CADM2: variants seen among roughly 807,000 people sequenced by gnomAD.
CADM2 encodes immunoglobulin superfamily member 4D.
Under a neutral mutation model 49.8 loss-of-function variants are expected in CADM2, and 12 were observed. The ratio of observed to expected loss-of-function variants is 0.24; its 90% confidence interval spans 0.15 to 0.39. The LOEUF (loss-of-function observed/expected upper bound fraction) is 0.39, where lower values mean the gene tolerates loss of function less well. CADM2 is among the 10% of genes least tolerant of loss of function. The pLI is 1.00. For synonymous variants in CADM2, 214 were observed against 175.4 expected (o/e 1.22, Z -1.74); for missense variants, 378 against 492.3 (o/e 0.77, Z 2.20).
chr3:85,021,317 C>G (rs1217759527), intron 1 of CADM2, among the ~76,000 whole-genome samples: 2 of 152,064 alleles, frequency 1.3e-5, no homozygotes, highest in African/African-American at 4.8e-5. Context: ...TTTGATACAT[C>G]AACGAACAAA....
At chr3:86,039,982 T>A (rs1578030288) in intron 8 of CADM2, among the ~76,000 whole-genome samples, 2 of 152,166 alleles carry the variant, frequency 1.3e-5, no homozygotes, top group African/African-American at 2.4e-5. Context: ...GGGTCTGGAG[T>A]GGACCTCCAG....
Position 86,055,475 on chromosome 3 carries a change from T to G in CADM2, c.971-10130T>G, listed in dbSNP as rs1005217814. The stretch of plus-strand genomic sequence containing the variant: ...TCTTTTTTTTTTTTTTTTTTTTTTT[T>G]TTTTGGTTTTAGAGGGATTCTTGCT... On this transcript the variant is annotated intron_variant, in intron 8 of 9. Transcript: ENST00000383699. Among the ~76,000 whole-genome samples, 9 of 136,356 alleles carry G rather than the reference T, an allele frequency of 6.6e-5. 1 individual carries two copies. The highest frequency in any genetic ancestry group is 2.6e-4 in the South Asian group (1 of 3,860). The allele number at this position is 136,356 out of a possible 152,430, so 89.5% of individuals were successfully genotyped here.
At chr3:85,623,607 T>C (rs895549635) in intron 1 of CADM2, among the ~76,000 whole-genome samples, 1 of 152,140 alleles carries the variant, frequency 6.6e-6, no homozygotes, top group African/African-American at 2.4e-5. Flanking sequence ...GCAAGTGTTA[T>C]AATTGGAGAT....
chr3:85,333,752 A>G (rs1045379967), intron 1 of CADM2, among the ~76,000 whole-genome samples: 8 of 151,792 alleles, frequency 5.3e-5, no homozygotes, highest in Non-Finnish European at 1.2e-4. Flanking sequence ...CATCTCATTA[A>G]GGAAACCATA....
chr3:85,992,989 C>CTGATAA (rs1313730546), intron 8 of CADM2: 40 of 152,254 alleles, frequency 2.6e-4, no homozygotes, highest in Non-Finnish European at 2.1e-4. Context: ...GATACCCTTC[C>CTGATAA]ATTGCTTTAT....
chr3:85,396,002 A>C (rs1002108164), intron 1 of CADM2, among the ~76,000 whole-genome samples: 94 of 149,112 alleles, frequency 6.3e-4, no homozygotes, highest in Admixed American at 9.4e-4. Flanking sequence ...ATGCAATTAT[A>C]TTTTCAGTAT....
At chr3:85,529,069 A>C (rs1320028369) in intron 1 of CADM2, among the ~76,000 whole-genome samples, 2 of 152,124 alleles carry the variant, frequency 1.3e-5, no homozygotes, top group Non-Finnish European at 2.9e-5. Context: ...TAAATGAAGA[A>C]ATTAAAGTTC....
chr3:85,344,871 C>A (rs2030409330), intron 1 of CADM2, among the ~76,000 whole-genome samples: 1 of 152,044 alleles, frequency 6.6e-6, no homozygotes, highest in South Asian at 2.1e-4. Context: ...ACATAATTTT[C>A]TCACCAAAAA....
At chr3:85,422,317 G>A (rs1317992480) in intron 1 of CADM2, among the ~76,000 whole-genome samples, 5 of 151,684 alleles carry the variant, frequency 3.3e-5, no homozygotes, top group African/African-American at 9.7e-5. Context: ...AGTCTCTGTC[G>A]CCCAGGCTGG....
intron 1 of CADM2, among the ~76,000 whole-genome samples, chr3:85,076,458 C>T (rs1045207220): frequency 7.9e-5 from 12 of 151,880 alleles, no homozygotes; most frequent in African/African-American, 2.7e-4. Flanking sequence ...AGCCATTCTC[C>T]TACCTCAGCC....
intron 1 of CADM2, among the ~76,000 whole-genome samples, chr3:85,522,590 G>T (rs2061049613): frequency 6.6e-6 from 1 of 152,046 alleles, no homozygotes; most frequent in Admixed American, 6.6e-5. Context: ...GGACAATGTA[G>T]TTCCAGAGAA....
chr3:85,166,917 T>G lies in CADM2; in HGVS notation c.61+207249T>G, dbSNP rs73843302. Among the ~76,000 whole-genome samples the G allele has an allele frequency of 8.7e-3, 1,327 of 152,112 alleles. 24 individuals are homozygous for G. Among genetic ancestry groups the G allele is most frequent in the African/African-American group, 0.03 (1,263 of 41,552 alleles). ...ATATGATAAAATTAAAATACATTTA[T>G]GTATGTGATCATCTGAAAACAAATG... On this transcript the variant is annotated intron_variant, in intron 1 of 9. Transcript: ENST00000383699.
chr3:85,859,342 TG>T (rs1443431185), intron 3 of CADM2, among the ~76,000 whole-genome samples: 1 of 146,438 alleles, frequency 6.8e-6, no homozygotes, highest in Non-Finnish European at 1.5e-5. Flanking sequence ...GCGATTCTCC[TG>T]CCTCAGCCTC....
At chr3:85,426,346 G>T (rs2036404337) in intron 1 of CADM2, among the ~76,000 whole-genome samples, 1 of 151,910 alleles carries the variant, frequency 6.6e-6, no homozygotes, top group African/African-American at 2.4e-5. Flanking sequence ...TGCCCTGGCT[G>T]ATCTCCAGCT....
At position 85,146,991 on chromosome 3, in the gene CADM2, G is replaced by A. The variant is rs1455610208; in HGVS notation, c.61+187323G>A. ...ACTAGATGAAATACTACATGAGTAA[G>A]GCCGGGCGCAGTGGCTCACGCCTGT... On this transcript the variant is annotated intron_variant, in intron 1 of 9. Transcript: ENST00000383699. 2.0e-5 allele frequency among the ~76,000 whole-genome samples: 3 copies of A among 152,052 alleles called. No homozygotes were observed. In the East Asian group the frequency reaches 5.8e-4, roughly 29 times the overall value.
At chr3:85,979,778 AG>A (rs2108664543) in intron 8 of CADM2, among the ~76,000 whole-genome samples, 1 of 151,802 alleles carries the variant, frequency 6.6e-6, no homozygotes, top group Admixed American at 6.6e-5. Context: ...AGAACTTGCA[AG>A]TAAATATTCA....
At position 85,658,576 on chromosome 3, in the gene CADM2, G is replaced by GTATATATATA. The variant is rs397990421; in HGVS notation, c.62-67913_62-67904dup. 2.7e-3 allele frequency among the ~76,000 whole-genome samples: 187 copies of GTATATATATA among 68,696 alleles called. 4 individuals carry two copies. The highest frequency in any genetic ancestry group is 3.5e-3 in the East Asian group (6 of 1,718). The allele number at this position is 68,696 out of a possible 152,430, so 45.1% of individuals were successfully genotyped here. A position where few individuals can be genotyped will look rare whatever the true frequency, so the allele number is the denominator to read the frequency against. On this transcript the variant is annotated intron_variant, in intron 1 of 9. Coordinates refer to ENST00000383699, the MANE Select transcript of CADM2 (RefSeq NM_001167675.2). ...CTCTATAAATATATTGGATATATGT[G>GTATATATATA]TATATATATATATATATATATATAT...
intron 6 of CADM2, among the ~76,000 whole-genome samples, chr3:85,925,198 T>C (rs1473430605): frequency 6.6e-6 from 1 of 152,210 alleles, no homozygotes; most frequent in African/African-American, 2.4e-5. Flanking sequence ...CTATGGTGTC[T>C]ACAATATTGA....
At chr3:85,882,248 T>G (rs774924453) in intron 3 of CADM2, among the ~76,000 whole-genome samples, 40 of 150,008 alleles carry the variant, frequency 2.7e-4, no homozygotes, top group Non-Finnish European at 4.7e-4. Flanking sequence ...AGGGGAAGTC[T>G]TAGGCATCCT....
Sources: allele counts gnomAD v4.1 joint callset (sites outside exome capture counted in the v4.1 genomes callset), GRCh38; gene constraint gnomAD v4.1.1; transcripts MANE v1.5; gene names NCBI Gene and HGNC (gene_info 2026-07-23, HGNC 2026-07-21).